Variants in NRG2 observed in about 807,000 individuals in gnomAD.
NRG2 encodes the protein pro-neuregulin-2, membrane-bound isoform.
In NRG2, 27 loss-of-function variants were observed where a neutral mutation model predicts 73.9. That is an observed-to-expected ratio of 0.37 (90% confidence interval 0.27 to 0.50). The LOEUF (loss-of-function observed/expected upper bound fraction) is 0.50, where lower values mean the gene tolerates loss of function less well. Among genes scored for constraint, NRG2 ranks in the 20% least tolerant of loss-of-function variants. NRG2 has a pLI of 0.96. For missense variants in NRG2, 1,126 were observed against 1,210.1 expected (o/e 0.93, Z 1.03); for synonymous variants, 532 against 541.0 (o/e 0.98, Z 0.23).
chr5:139,989,707 T>A (rs1757428951), intron 1 of NRG2, among the ~76,000 whole-genome samples: 1 of 151,808 alleles, frequency 6.6e-6, no homozygotes, highest in South Asian at 2.1e-4. Flanking sequence ...AGTTATGGAT[T>A]TAGTTTATTC....
intron 1 of NRG2, among the ~76,000 whole-genome samples, chr5:139,956,112 T>C (rs191210505): frequency 6.6e-5 from 10 of 151,858 alleles, no homozygotes; most frequent in Non-Finnish European, 8.8e-5. Context: ...AGAAAGAAAA[T>C]AAACAAATGT....
At chr5:139,875,566 A>G (rs775749929) in intron 3 of NRG2, among the ~76,000 whole-genome samples, 12 of 152,204 alleles carry the variant, frequency 7.9e-5, no homozygotes, top group Non-Finnish European at 1.3e-4. Context: ...TTTTTGGTAG[A>G]TTAAAGGACT....
intron 1 of NRG2, among the ~76,000 whole-genome samples, chr5:139,891,415 A>C (rs1187058523): frequency 6.6e-6 from 1 of 152,178 alleles, no homozygotes; most frequent in Non-Finnish European, 1.5e-5. Context: ...TCTAGTGAGA[A>C]CCTTGTGTGA....
chr5:140,017,323 A>T (rs1759866943), intron 1 of NRG2, among the ~76,000 whole-genome samples: 1 of 152,174 alleles, frequency 6.6e-6, no homozygotes, highest in Admixed American at 6.5e-5. Context: ...TGTGATATCT[A>T]TGAGATATCA....
At chr5:139,873,274 C>A (rs1190251833) in intron 3 of NRG2, among the ~76,000 whole-genome samples, 2 of 152,206 alleles carry the variant, frequency 1.3e-5, no homozygotes, top group Non-Finnish European at 2.9e-5. Context: ...CTCGGCTCAA[C>A]CCCAGACCCA....
At chr5:139,876,030 G>A (rs990848184) in intron 3 of NRG2, among the ~76,000 whole-genome samples, 12 of 152,166 alleles carry the variant, frequency 7.9e-5, no homozygotes, top group South Asian at 6.2e-4. Flanking sequence ...ACAAAAACTT[G>A]TGCCCAGATG....
chr5:140,003,233 T>C (rs1031633704), intron 1 of NRG2, among the ~76,000 whole-genome samples: 2 of 152,160 alleles, frequency 1.3e-5, no homozygotes, highest in Non-Finnish European at 2.9e-5. Context: ...GATGTAATTA[T>C]ACAGAGATAG....
rs1761177838 is a variant in NRG2, at chr5:139,848,489, C to A, written c.1981G>T (p.Gly661Trp). 1.7e-6 allele frequency: 2 copies of A among 1,144,794 alleles called. No individual in the cohort carries two copies. Among genetic ancestry groups the A allele is most frequent in the Admixed American group, 4.7e-5 (1 of 21,148 alleles). The allele number at this position is 1,144,794 out of a possible 1,614,324, so 70.9% of individuals were successfully genotyped here. ...PAPPGPGPGPGPGPGPGADMQ... is the reference protein window; with the variant it reads ...PAPPGPGPGPWPGPGPGADMQ... ...TCTGCGCCGGGCCCGGGCCCGGGCC[C>A]GGGTCCGGGTCCCGGGCCGGGGGGC... Residue 661 changes from glycine to tryptophan, a missense_variant, in exon 10 of 10, where the codon GGG becomes TGG. Gly to Trp is a radical substitution (Grantham distance 184, BLOSUM62 -2). Coordinates refer to ENST00000361474, the MANE Select transcript of NRG2 (RefSeq NM_004883.3).
chr5:139,867,815 T>A lies in NRG2; in HGVS notation c.1113-2190A>T, dbSNP rs1424401946. Among the ~76,000 whole-genome samples the A allele has an allele frequency of 3.0e-4, 45 of 149,690 alleles. 1 individual carries two copies. Among genetic ancestry groups the A allele is most frequent in the Admixed American group, 2.7e-3 (40 of 15,064 alleles). On this transcript the variant is annotated intron_variant, in intron 4 of 9. Transcript: ENST00000361474. The stretch of plus-strand genomic sequence containing the variant: ...GTGTGTGTATGAGTGTGTGTGTGTG[T>A]GTGTGTGTGTGTGTGTGTGTGACAG...
intron 2 of NRG2, among the ~76,000 whole-genome samples, chr5:139,884,082 C>CGTCAG (rs1371629666): frequency 3.0e-4 from 45 of 152,270 alleles, no homozygotes; most frequent in African/African-American, 1.1e-3. Flanking sequence ...GCAAGATTCT[C>CGTCAG]GTCAGTTCAG....
chr5:140,012,272 C>A (rs1351622055), intron 1 of NRG2, among the ~76,000 whole-genome samples: 3 of 152,220 alleles, frequency 2.0e-5, no homozygotes, highest in Non-Finnish European at 4.4e-5. Flanking sequence ...TGTGCTCCCC[C>A]TTACCTTGTA....
rs540230543 is a variant in NRG2 at position 139,873,038 on chromosome 5, AGAG to A, written c.992-1200_992-1198del. 2.0e-3 allele frequency among the ~76,000 whole-genome samples: 297 copies of A among 152,116 alleles called. 2 individuals carry two copies. The highest frequency in any genetic ancestry group is 3.4e-3 in the Middle Eastern group (1 of 292). ...CCCCTCAGTAATAGGGGTGGAAGTG[AGAG>A]GAGGAGGAGGAGGGCAGGCAGTCGG... On this transcript the variant is annotated intron_variant, in intron 3 of 9. Transcript: ENST00000361474.
chr5:139,883,649 C>T (rs1347615255), intron 2 of NRG2, among the ~76,000 whole-genome samples: 1 of 152,174 alleles, frequency 6.6e-6, no homozygotes, highest in East Asian at 1.9e-4. Flanking sequence ...CCTGCCACTG[C>T]CCCTGGCCCC....
chr5:139,864,194 T>G (rs760767115), intron 5 of NRG2, among the ~76,000 whole-genome samples: 26 of 152,036 alleles, frequency 1.7e-4, no homozygotes, highest in Non-Finnish European at 3.4e-4. Context: ...GGACAGGCCT[T>G]GCAAGCCAGC....
At chr5:139,889,477 T>C (rs1300069685) in intron 1 of NRG2, among the ~76,000 whole-genome samples, 1 of 152,192 alleles carries the variant, frequency 6.6e-6, no homozygotes, top group Non-Finnish European at 1.5e-5. Flanking sequence ...TATGGGTTCC[T>C]TTGACCTCCT....
At chr5:139,948,501 G>A (rs892914980) in intron 1 of NRG2, among the ~76,000 whole-genome samples, 2 of 152,082 alleles carry the variant, frequency 1.3e-5, no homozygotes, top group South Asian at 2.1e-4. Context: ...TCTCCTGACC[G>A]CCATCCTAGC....
chr5:139,848,779 G>GGGCC, intron 9 of NRG2, 82 bp from the exon 10 acceptor site: 1 of 198,602 alleles, frequency 5.0e-6, no homozygotes, highest in Non-Finnish European at 1.0e-5. Flanking sequence ...GGTAGGGTGG[G>GGGCC]AGGGGCGGAC....
At chr5:140,033,175 G>C (rs1295524357) in intron 1 of NRG2, among the ~76,000 whole-genome samples, 1 of 152,144 alleles carries the variant, frequency 6.6e-6, no homozygotes, top group Non-Finnish European at 1.5e-5. Context: ...AACAAGAAAA[G>C]GATGAATGAT....
chr5:140,026,221 G>A (rs1760677127), intron 1 of NRG2, among the ~76,000 whole-genome samples: 1 of 152,236 alleles, frequency 6.6e-6, no homozygotes, highest in South Asian at 2.1e-4. Context: ...AAGGATCACA[G>A]ATAGGTAGGG....
Sources: allele counts gnomAD v4.1 joint callset (sites outside exome capture counted in the v4.1 genomes callset), GRCh38; gene constraint gnomAD v4.1.1; transcripts MANE v1.5; gene names NCBI Gene and HGNC (gene_info 2026-07-23, HGNC 2026-07-21).